ST6GALNAC5: variants seen among roughly 807,000 people sequenced by gnomAD.
ST6GALNAC5 encodes the protein alpha-N-acetylgalactosaminide alpha-2,6-sialyltransferase 5.
Under a neutral mutation model 33.6 loss-of-function variants are expected in ST6GALNAC5, and 27 were observed. The ratio of observed to expected loss-of-function variants is 0.80; its 90% CI spans 0.59 to 1.11. ST6GALNAC5 has a LOEUF of 1.11. Among genes scored for constraint, ST6GALNAC5 ranks in the 50% least tolerant of loss-of-function variants. The probability of loss-of-function intolerance (pLI) is 0.00; values close to 1 mark genes in which losing one functional copy is unlikely to be tolerated. For missense variants in ST6GALNAC5, 428 were observed against 454.0 expected (o/e 0.94, Z 0.52); for synonymous variants, 194 against 171.2 (o/e 1.13, Z -1.04).
chr1:77,039,851 C>T (rs745375566), intron 2 of ST6GALNAC5, among the ~76,000 whole-genome samples: 1 of 152,220 alleles, frequency 6.6e-6, no homozygotes. Context: ...GCCACCTCCC[C>T]TCTTGTGTCT....
At position 76,990,089 on chromosome 1, in the gene ST6GALNAC5, T is replaced by A. The variant is rs374273000; in HGVS notation, c.262-54115T>A. 3.9e-5 allele frequency among the ~76,000 whole-genome samples: 6 copies of A among 152,272 alleles called. No homozygotes were observed. The South Asian group carries it at 8.3e-4, about 21-fold the overall frequency. Reference sequence around the variant, plus strand: ...CCTGAAGTTTATTTAACAACTGAGTTTTTGTTCTGAGTTTTCCATTCTTTA... The same window carrying A: ...CCTGAAGTTTATTTAACAACTGAGTATTTGTTCTGAGTTTTCCATTCTTTA... On this transcript the variant is annotated intron_variant, in intron 2 of 4. Transcript: ENST00000477717.
At chr1:76,969,539 C>T (rs188870357) in intron 2 of ST6GALNAC5, among the ~76,000 whole-genome samples, 126 of 152,282 alleles carry the variant, frequency 8.3e-4, no homozygotes, top group African/African-American at 2.8e-3. Flanking sequence ...TCAAACTGGG[C>T]GGAGCCTACC....
At chr1:76,891,530 G>A (rs1208112359) in intron 2 of ST6GALNAC5, among the ~76,000 whole-genome samples, 4 of 151,942 alleles carry the variant, frequency 2.6e-5, no homozygotes, top group African/African-American at 9.7e-5. Flanking sequence ...CCCATTCTGT[G>A]GGCTGTCTTT....
intron 2 of ST6GALNAC5, among the ~76,000 whole-genome samples, chr1:76,909,180 C>T (rs544162235): frequency 1.3e-5 from 2 of 152,216 alleles, no homozygotes; most frequent in East Asian, 3.9e-4. Flanking sequence ...AAGGCAGTGA[C>T]CATGTGTTAT....
chr1:76,887,644 G>C (rs1200179659), intron 2 of ST6GALNAC5, among the ~76,000 whole-genome samples: 3 of 151,988 alleles, frequency 2.0e-5, no homozygotes, highest in African/African-American at 7.3e-5. Context: ...AATTACAAAG[G>C]CCTCATCTGA....
chr1:77,003,530 CATT>C (rs200187911), intron 2 of ST6GALNAC5, among the ~76,000 whole-genome samples: 24,712 of 150,060 alleles, frequency 0.16, 1,903 homozygotes, highest in East Asian at 0.24. Flanking sequence ...TTGATCCTGT[CATT>C]ATGATGTTAG....
Position 76,868,415 on chromosome 1 carries a change from C to G in ST6GALNAC5, c.16-82C>G. ...CAAATCTCCCCCACTAGAGTGACCA[C>G]CGCACAGTTGTCCCCGCTGGGCGCG... On this transcript the variant is annotated intron_variant, in intron 1 of 4. Coordinates refer to ENST00000477717, the MANE Select transcript of ST6GALNAC5 (RefSeq NM_030965.3). This position sits in a 1 kb window ranked among gnomAD's most constrained non-coding sequence, Gnocchi z 4.3. 6.6e-7 allele frequency: 1 copy of G among 1,520,308 alleles called. No homozygotes were observed. The highest frequency in any genetic ancestry group is 1.3e-5 in the South Asian group (1 of 76,778). The allele number at this position is 1,520,308 out of a possible 1,614,324, so 94.2% of individuals were successfully genotyped here.
intron 2 of ST6GALNAC5, among the ~76,000 whole-genome samples, chr1:76,958,944 C>G (rs535184180): frequency 6.6e-6 from 1 of 152,270 alleles, no homozygotes; most frequent in East Asian, 1.9e-4. Flanking sequence ...GTGACATTTT[C>G]TTACCGGGAA....
chr1:77,017,163 A>G (rs1650881602), intron 2 of ST6GALNAC5, among the ~76,000 whole-genome samples: 2 of 152,044 alleles, frequency 1.3e-5, no homozygotes. Flanking sequence ...AAAAAAAAAA[A>G]AAAAAGGTAA....
intron 2 of ST6GALNAC5, among the ~76,000 whole-genome samples, chr1:76,941,673 C>G (rs112645347): frequency 6.6e-6 from 1 of 152,002 alleles, no homozygotes; most frequent in African/African-American, 2.4e-5. Flanking sequence ...CATGGGAAGA[C>G]GGAGGCAGAG....
intron 2 of ST6GALNAC5, among the ~76,000 whole-genome samples, chr1:77,009,264 T>C (rs1278900769): frequency 6.6e-6 from 1 of 152,182 alleles, no homozygotes; most frequent in Admixed American, 6.5e-5. Context: ...TTTTCCTCTT[T>C]GGACTTAGCT....
intron 2 of ST6GALNAC5, among the ~76,000 whole-genome samples, chr1:76,915,498 G>C (rs1646961822): frequency 6.6e-6 from 1 of 152,112 alleles, no homozygotes; most frequent in Non-Finnish European, 1.5e-5. Context: ...ATACACCATG[G>C]AATACTACGC....
At position 77,064,224 on chromosome 1, in the gene ST6GALNAC5, G is replaced by C. The variant is rs1249360815; in HGVS notation, c.*1018G>C. 1 of 151,998 alleles carries C rather than the reference G, an allele frequency of 6.6e-6. No homozygotes were observed. The highest frequency in any genetic ancestry group is 2.4e-5 in the African/African-American group (1 of 41,390). 9.4% of individuals were successfully genotyped at this position (151,998 alleles called of 1,614,324 possible). Reference sequence around the variant, plus strand: ...TGACCCATTTGAAGACTCTGCACTTGGAGTGATGGGGCCCCAACAGTAGCA... The same window carrying C: ...TGACCCATTTGAAGACTCTGCACTTCGAGTGATGGGGCCCCAACAGTAGCA... On this transcript the variant is annotated 3_prime_UTR_variant, in exon 5 of 5. Transcript: ENST00000477717.
intron 2 of ST6GALNAC5, among the ~76,000 whole-genome samples, chr1:77,025,456 G>A (rs1651194326): frequency 6.6e-6 from 1 of 150,712 alleles, no homozygotes; most frequent in Non-Finnish European, 1.5e-5. Flanking sequence ...GAAGGTGGAG[G>A]TTGCAGTGAG....
At chr1:76,975,365 A>G (rs905627562) in intron 2 of ST6GALNAC5, among the ~76,000 whole-genome samples, 2 of 152,200 alleles carry the variant, frequency 1.3e-5, no homozygotes, top group African/African-American at 4.8e-5. Context: ...TAAAAGTTAT[A>G]TCTATATATT....
chr1:76,916,081 C>A (rs1646971412), intron 2 of ST6GALNAC5, among the ~76,000 whole-genome samples: 1 of 150,556 alleles, frequency 6.6e-6, no homozygotes, highest in African/African-American at 2.4e-5. Flanking sequence ...TTTTGTAGTT[C>A]ATAGTTTTTA....
intron 2 of ST6GALNAC5, among the ~76,000 whole-genome samples, chr1:77,042,332 C>T (rs1302086703): frequency 6.6e-6 from 1 of 152,192 alleles, no homozygotes. Context: ...TCTCCTTATA[C>T]TGTATCACAC....
intron 2 of ST6GALNAC5, among the ~76,000 whole-genome samples, chr1:76,953,620 TA>T (rs757523220): frequency 2.6e-5 from 4 of 152,134 alleles, no homozygotes; most frequent in Non-Finnish European, 4.4e-5. Flanking sequence ...TCCCAGTCTG[TA>T]ACTTGTCTTT....
At chr1:76,910,013 A>G (rs1646895986) in intron 2 of ST6GALNAC5, among the ~76,000 whole-genome samples, 1 of 152,070 alleles carries the variant, frequency 6.6e-6, no homozygotes, top group Admixed American at 6.6e-5. Context: ...AGATGTTAAC[A>G]TTCACATTCT....
Sources: allele counts gnomAD v4.1 joint callset (sites outside exome capture counted in the v4.1 genomes callset), GRCh38; gene constraint gnomAD v4.1.1; non-coding constraint Gnocchi (gnomAD v3.1); transcripts MANE v1.5; gene names NCBI Gene and HGNC (gene_info 2026-07-23, HGNC 2026-07-21).